Variants in ADARB2 observed in about 807,000 individuals in gnomAD.
The protein encoded by ADARB2 is inactive double-stranded RNA-specific editase B2.
ADARB2 carries 25 observed loss-of-function variants against 62.2 expected under a neutral mutation model. That is an observed-to-expected ratio of 0.40 (90% CI 0.29 to 0.56). The LOEUF (loss-of-function observed/expected upper bound fraction) is 0.56. ADARB2 is among the 20% of genes least tolerant of loss of function. The pLI, the probability that ADARB2 is intolerant of heterozygous loss-of-function variation, is 0.43. For synonymous variants in ADARB2, 572 were observed against 500.8 expected (o/e 1.14, Z -1.90); for missense variants, 1,071 against 1,077.4 (o/e 0.99, Z 0.08).
At chr10:1,378,256 C>T (rs1192530650) in intron 2 of ADARB2, among the ~76,000 whole-genome samples, 2 of 152,306 alleles carry the variant, frequency 1.3e-5, no homozygotes, top group Non-Finnish European at 2.9e-5. Flanking sequence ...TGGTGCCATC[C>T]TGAGGACACT....
At chr10:1,594,282 C>G (rs917017290) in intron 1 of ADARB2, among the ~76,000 whole-genome samples, 1 of 152,158 alleles carries the variant, frequency 6.6e-6, no homozygotes, top group Non-Finnish European at 1.5e-5. Context: ...TAGAGCAAGA[C>G]TCCATCTCAA....
intron 1 of ADARB2, among the ~76,000 whole-genome samples, chr10:1,559,356 C>A (rs10794760): frequency 0.22 from 32,879 of 152,100 alleles, 3,745 homozygotes; most frequent in Non-Finnish European, 0.24. Context: ...GAGATGCTAA[C>A]GTGCGTGGTG....
chr10:1,502,242 T>C (rs1310686365), intron 1 of ADARB2, among the ~76,000 whole-genome samples: 1 of 152,232 alleles, frequency 6.6e-6, no homozygotes, highest in Non-Finnish European at 1.5e-5. Context: ...GGCTCTGTGA[T>C]GCTGCATCTC....
chr10:1,299,007 A>G (rs376073486), intron 3 of ADARB2, among the ~76,000 whole-genome samples: 7 of 151,850 alleles, frequency 4.6e-5, no homozygotes, highest in African/African-American at 1.7e-4. Flanking sequence ...GGCCTCCCAA[A>G]CTGCTGGGAT....
intron 1 of ADARB2, among the ~76,000 whole-genome samples, chr10:1,664,010 G>A (rs1443912577): frequency 2.0e-5 from 3 of 152,196 alleles, no homozygotes; most frequent in East Asian, 1.9e-4. Context: ...GGCTGCTGCC[G>A]AGTTTTGGCA....
chr10:1,394,202 C>T (rs1330060905), intron 1 of ADARB2, among the ~76,000 whole-genome samples: 1 of 152,336 alleles, frequency 6.6e-6, no homozygotes, highest in African/African-American at 2.4e-5. Flanking sequence ...AAATTCCTCA[C>T]GTCCTACTGG....
chr10:1,288,848 G>A (rs1486887266), intron 3 of ADARB2, among the ~76,000 whole-genome samples: 1 of 152,212 alleles, frequency 6.6e-6, no homozygotes, highest in African/African-American at 2.4e-5. Context: ...ATGTGACGCG[G>A]TTGTCTAAAC....
intron 3 of ADARB2, among the ~76,000 whole-genome samples, chr10:1,340,845 C>T (rs1381013383): frequency 1.4e-5 from 2 of 147,168 alleles, no homozygotes; most frequent in Non-Finnish European, 3.0e-5. Context: ...AACCACACAC[C>T]CCACAGTGGC....
At chr10:1,416,529 C>A (rs1293626427) in intron 1 of ADARB2, among the ~76,000 whole-genome samples, 4 of 152,220 alleles carry the variant, frequency 2.6e-5, no homozygotes, top group African/African-American at 9.6e-5. Flanking sequence ...TGATTCACAG[C>A]CTCCCTGTGG....
chr10:1,725,102 C>T (rs185144301), intron 1 of ADARB2, among the ~76,000 whole-genome samples: 2 of 152,212 alleles, frequency 1.3e-5, no homozygotes, highest in Admixed American at 1.3e-4. Flanking sequence ...ATGGACCCTG[C>T]AGAGAAGGAA....
chr10:1,215,081 C>T (rs987911687), intron 7 of ADARB2, among the ~76,000 whole-genome samples: 3 of 152,054 alleles, frequency 2.0e-5, no homozygotes, highest in African/African-American at 7.2e-5. Context: ...GCAGGTGCGG[C>T]GGGGGTCTCC....
Position 1,217,024 on chromosome 10 carries a change from C to T in ADARB2, c.1609G>A (p.Ala537Thr), listed in dbSNP as rs150320038. ...AGGACGCCGTCCCAGGTCTGCACTGCGCTGGGGCCACGCACGGGGACCGTC... is the reference window on the plus strand; with the variant it reads ...AGGACGCCGTCCCAGGTCTGCACTGTGCTGGGGCCACGCACGGGGACCGTC... ...EGTVPVRGPS[A>T]VQTWDGVLLG... The change falls in exon 7 of 10, where the codon GCA (alanine) becomes ACA (threonine). Residue 537 changes from alanine (A) to threonine (T), a missense_variant. Transcript: ENST00000381312. 75 of 1,611,654 alleles carry T rather than the reference C, an allele frequency of 4.7e-5. No individual in the cohort carries two copies. The highest frequency in any genetic ancestry group is 1.3e-4 in the African/African-American group (10 of 74,944).
intron 1 of ADARB2, among the ~76,000 whole-genome samples, chr10:1,449,637 C>A (rs1831013621): frequency 6.6e-6 from 1 of 152,160 alleles, no homozygotes; most frequent in African/African-American, 2.4e-5. Context: ...AAATCTCATG[C>A]AAATCCCTGA....
At chr10:1,628,290 G>A (rs11250679) in intron 1 of ADARB2, among the ~76,000 whole-genome samples, 2 of 152,266 alleles carry the variant, frequency 1.3e-5, no homozygotes, top group South Asian at 2.1e-4. Context: ...CCTGCTAGCC[G>A]TGGGTAGTGC....
In ADARB2 at chr10:1,697,654, G is replaced by A. The variant is rs143346302; in HGVS notation, c.100+39397C>T. Among the ~76,000 whole-genome samples the A allele has an allele frequency of 2.5e-3, 388 of 152,272 alleles. 2 individuals are homozygous for A. The highest frequency in any genetic ancestry group is 9.0e-3 in the African/African-American group (373 of 41,558). On this transcript the variant is annotated intron_variant, in intron 1 of 9. Coordinates refer to ENST00000381312, the MANE Select transcript of ADARB2 (RefSeq NM_018702.4). ...TCCTGAACCCCAGACAAGGGTGGGT[G>A]GGAAGAGAAACCCCACAGGCTCCCT...
chr10:1,316,430 G>A (rs991389400), intron 3 of ADARB2, among the ~76,000 whole-genome samples: 2 of 152,252 alleles, frequency 1.3e-5, no homozygotes, highest in East Asian at 1.9e-4. Flanking sequence ...GAGTGGCAAC[G>A]TGCAAGGTGC....
chr10:1,439,786 C>T (rs1830881936), intron 1 of ADARB2, among the ~76,000 whole-genome samples: 1 of 147,890 alleles, frequency 6.8e-6, no homozygotes, highest in Non-Finnish European at 1.5e-5. Context: ...AGGACAGAGG[C>T]AGTCTCCTCA....
chr10:1,318,719 T>C (rs1831765486), intron 3 of ADARB2, among the ~76,000 whole-genome samples: 1 of 152,192 alleles, frequency 6.6e-6, no homozygotes. Context: ...TGTCAAAGTA[T>C]AATTTGTCCC....
At chr10:1,227,411 G>A (rs1830758013) in intron 6 of ADARB2, among the ~76,000 whole-genome samples, 1 of 152,190 alleles carries the variant, frequency 6.6e-6, no homozygotes, top group Admixed American at 6.5e-5. Flanking sequence ...TGCACCCAGT[G>A]TCCTGCACCT....
Sources: gnomAD v4.1 joint callset for allele counts (sites outside exome capture counted in the v4.1 genomes callset) on GRCh38, gnomAD v4.1.1 for gene constraint, MANE v1.5 for transcripts, NCBI Gene and HGNC (gene_info 2026-07-23, HGNC 2026-07-21) for gene names.